COX10: variants seen among roughly 807,000 people sequenced by gnomAD.
COX10 encodes the protein cytochrome c oxidase assembly factor heme A:farnesyltransferase COX10, also known as protoheme IX farnesyltransferase, mitochondrial.
A neutral mutation model predicts 37.3 loss-of-function variants in COX10; 27 were observed. The observed-to-expected ratio is 0.72, with a 90% CI of 0.53 to 1.00. The LOEUF (loss-of-function observed/expected upper bound fraction) is 1.00. Among genes scored for constraint, COX10 ranks in the 50% least tolerant of loss-of-function variants. The probability of loss-of-function intolerance (pLI) is 0.00; values close to 1 mark genes in which losing one functional copy is unlikely to be tolerated. For missense variants in COX10, 475 were observed against 563.2 expected (o/e 0.84, Z 1.59); for synonymous variants, 222 against 229.1 (o/e 0.97, Z 0.28).
chr17:14,117,486 C>G (rs1275066068), intron 4 of COX10, among the ~76,000 whole-genome samples: 7 of 152,160 alleles, frequency 4.6e-5, no homozygotes, highest in Non-Finnish European at 1.0e-4. Flanking sequence ...GTTTCTGACT[C>G]ATTATTCCGT....
chr17:14,141,285 A>T (rs568996123), intron 4 of COX10, among the ~76,000 whole-genome samples: 2 of 152,080 alleles, frequency 1.3e-5, no homozygotes, highest in Non-Finnish European at 2.9e-5. Flanking sequence ...CACGTCTGTC[A>T]TCCCAGCACT....
At chr17:14,190,849 C>T (rs1167659124) in intron 5 of COX10, among the ~76,000 whole-genome samples, 1 of 152,078 alleles carries the variant, frequency 6.6e-6, no homozygotes, top group Admixed American at 6.5e-5. Flanking sequence ...ACACTGCAAC[C>T]CTGTGCATAG....
At chr17:14,118,032 C>T (rs1419149049) in intron 4 of COX10, among the ~76,000 whole-genome samples, 5 of 152,016 alleles carry the variant, frequency 3.3e-5, no homozygotes, top group Admixed American at 3.3e-4. Context: ...TTCCCCTCAG[C>T]GTCTGTGTTG....
At position 14,147,976 on chromosome 17, in the gene COX10, G is replaced by A. The variant is rs548622618; in HGVS notation, c.625-11901G>A. On this transcript the variant is annotated intron_variant, in intron 4 of 6. Transcript: ENST00000261643. ...CTGAGATCTCTCTGGAAGGAAAAAG[G>A]GGTCAGTTCCATACAGTGATTCTTG... 3.4e-4 allele frequency among the ~76,000 whole-genome samples: 51 copies of A among 151,800 alleles called. 3 individuals are homozygous for A. The highest frequency in any genetic ancestry group is 1.2e-3 in the African/African-American group (50 of 41,128).
intron 3 of COX10, among the ~76,000 whole-genome samples, chr17:14,098,178 G>A (rs1345535371): frequency 2.0e-5 from 3 of 152,096 alleles, no homozygotes; most frequent in Non-Finnish European, 2.9e-5. Context: ...AGTAAACAAC[G>A]CTACGTTTGT....
chr17:14,075,559 TA>T (rs1489323467), intron 2 of COX10, among the ~76,000 whole-genome samples: 1 of 152,192 alleles, frequency 6.6e-6, no homozygotes, highest in Non-Finnish European at 1.5e-5. Flanking sequence ...GACAACTGTT[TA>T]GAAGATTAAA....
intron 6 of COX10, among the ~76,000 whole-genome samples, chr17:14,200,377 GA>G (rs1277213851): frequency 5.3e-5 from 8 of 152,194 alleles, no homozygotes; most frequent in Non-Finnish European, 1.0e-4. Context: ...GATGCTTCGA[GA>G]GAATATAAAA....
chr17:14,103,794 T>G (rs1255352534), intron 4 of COX10, among the ~76,000 whole-genome samples: 2 of 152,168 alleles, frequency 1.3e-5, no homozygotes, highest in Admixed American at 1.3e-4. Flanking sequence ...GCCAAGGTTT[T>G]GGAAATTTTA....
chr17:14,113,940 C>G (rs1189912198), intron 4 of COX10, among the ~76,000 whole-genome samples: 3 of 152,112 alleles, frequency 2.0e-5, no homozygotes, highest in East Asian at 3.9e-4. Context: ...TGAGGCGTTA[C>G]GACAATGTAT....
intron 5 of COX10, among the ~76,000 whole-genome samples, chr17:14,172,954 A>G (rs900462830): frequency 6.6e-6 from 1 of 152,028 alleles, no homozygotes; most frequent in Non-Finnish European, 1.5e-5. Context: ...TGGCCTCCCA[A>G]AGTGCTGGGA....
At position 14,206,985 on chromosome 17, in the gene COX10, C is replaced by G. The variant is rs753622725; in HGVS notation, c.1104C>G (p.Ser368=). The G allele has an allele frequency of 6.2e-7, 1 of 1,613,952 alleles. No homozygotes were observed. The highest frequency in any genetic ancestry group is 1.3e-5 in the African/African-American group (1 of 74,944). ...ACTGCCTGGCCCTGCTCGTGCTGTC[C>G]GCAGCAGCCCCTGTGCTGGACATCA... ...LRHCLALLVL[S]AAAPVLDITT... Residue 368 remains serine (S), a synonymous_variant, in exon 7 of 7, where the codon TCC becomes TCG. Coordinates refer to ENST00000261643, the MANE Select transcript of COX10 (RefSeq NM_001303.4).
intron 3 of COX10, among the ~76,000 whole-genome samples, chr17:14,088,931 C>T (rs1042345295): frequency 6.6e-6 from 1 of 152,114 alleles, no homozygotes; most frequent in African/African-American, 2.4e-5. Flanking sequence ...CAGAAACCTC[C>T]TTATAAGACT....
intron 4 of COX10, among the ~76,000 whole-genome samples, chr17:14,126,165 T>C (rs1597510876): frequency 1.3e-5 from 2 of 152,186 alleles, no homozygotes; most frequent in East Asian, 3.8e-4. Context: ...CTATTTATTA[T>C]TTTAAATATG....
chr17:14,122,933 A>G (rs1916260720), intron 4 of COX10, among the ~76,000 whole-genome samples: 1 of 152,178 alleles, frequency 6.6e-6, no homozygotes, highest in Admixed American at 6.5e-5. Flanking sequence ...CCCACTTCAG[A>G]AATGGTTTGA....
At chr17:14,097,425 T>C (rs969042461) in intron 3 of COX10, among the ~76,000 whole-genome samples, 15 of 152,148 alleles carry the variant, frequency 9.9e-5, no homozygotes, top group African/African-American at 3.4e-4. Flanking sequence ...ATTTTAAAAT[T>C]AGGTAGTATT....
At chr17:14,125,433 C>T (rs1399203066) in intron 4 of COX10, among the ~76,000 whole-genome samples, 2 of 152,106 alleles carry the variant, frequency 1.3e-5, no homozygotes, top group Admixed American at 6.5e-5. Context: ...AACAATTTGG[C>T]TATTGAAAAA....
chr17:14,189,150 C>T (rs1218913083), intron 5 of COX10, among the ~76,000 whole-genome samples: 1 of 149,446 alleles, frequency 6.7e-6, no homozygotes, highest in African/African-American at 2.5e-5. Flanking sequence ...CATTGAAAGC[C>T]CTGCTCTTGT....
chr17:14,193,792 C>T (rs1482586566), intron 6 of COX10, among the ~76,000 whole-genome samples: 2 of 148,924 alleles, frequency 1.3e-5, no homozygotes, highest in Admixed American at 6.7e-5. Context: ...ATTCCCTCTC[C>T]CCCTTAACGC....
chr17:14,181,787 C>T (rs905504861), intron 5 of COX10, among the ~76,000 whole-genome samples: 7 of 152,222 alleles, frequency 4.6e-5, no homozygotes, highest in Non-Finnish European at 1.0e-4. Flanking sequence ...GAAAAACATA[C>T]TAAGAGATTG....
Sources: gnomAD v4.1 joint callset for allele counts (sites outside exome capture counted in the v4.1 genomes callset) on GRCh38, gnomAD v4.1.1 for gene constraint, MANE v1.5 for transcripts, NCBI Gene and HGNC (gene_info 2026-07-23, HGNC 2026-07-21) for gene names.